The following MAGI1 variants were observed in gnomAD, a reference collection of about 807,000 sequenced individuals.
The protein encoded by MAGI1 is membrane associated guanylate kinase, WW and PDZ domain containing 1.
MAGI1 carries 58 observed loss-of-function variants against 139.9 expected under a neutral mutation model. The ratio of observed to expected loss-of-function variants is 0.41; its 90% CI spans 0.34 to 0.52. MAGI1 has a LOEUF of 0.52. Among genes scored for constraint, MAGI1 ranks in the 20% least tolerant of loss-of-function variants. The pLI is 0.12. For synonymous variants in MAGI1, 812 were observed against 737.9 expected (o/e 1.10, Z -1.63); for missense variants, 1,874 against 1,901.6 (o/e 0.99, Z 0.27).
At chr3:65,598,151 A>T (rs1208544292) in intron 2 of MAGI1, among the ~76,000 whole-genome samples, 3 of 151,160 alleles carry the variant, frequency 2.0e-5, no homozygotes, top group African/African-American at 7.3e-5. Flanking sequence ...AAAAAAGAGC[A>T]TTACATCACA....
intron 6 of MAGI1, among the ~76,000 whole-genome samples, chr3:65,451,055 T>G (rs1035086266): frequency 6.6e-6 from 1 of 152,166 alleles, no homozygotes; most frequent in Admixed American, 6.5e-5. Flanking sequence ...ATTAAAGAGA[T>G]AATTATAAAC....
At position 65,379,538 on chromosome 3, in the gene MAGI1, G is replaced by A. The variant is rs370716808; in HGVS notation, c.2718C>T (p.Asn906=). The A allele has an allele frequency of 6.8e-6, 11 of 1,609,872 alleles. No homozygotes were observed. In the Middle Eastern group the frequency reaches 8.3e-4, roughly 121 times the overall value. The change falls in exon 17 of 23, where the codon AAC becomes AAT. Residue 906 remains asparagine (N), a synonymous_variant. Transcript: ENST00000402939. The part of the protein sequence containing the change: ...KVVFAVPKTE[N]EVPSPASSHH... The stretch of plus-strand genomic sequence containing the variant: ...GAGAGGAGGCTGGCGAGGGCACCTC[G>A]TTCTCGGTTTTGGGCACTGTAGCAG...
chr3:65,679,335 G>A (rs1431282629), intron 1 of MAGI1, among the ~76,000 whole-genome samples: 1 of 152,140 alleles, frequency 6.6e-6, no homozygotes, highest in Non-Finnish European at 1.5e-5. Context: ...AAGAGCTATA[G>A]CTGACATTTC....
intron 1 of MAGI1, among the ~76,000 whole-genome samples, chr3:65,632,357 C>T (rs144251786): frequency 3.9e-5 from 6 of 152,152 alleles, no homozygotes; most frequent in Non-Finnish European, 7.4e-5. Flanking sequence ...TTAAAGAGAC[C>T]ACATGATGGT....
intron 1 of MAGI1, among the ~76,000 whole-genome samples, chr3:65,633,223 G>A (rs1214845116): frequency 6.6e-6 from 1 of 152,142 alleles, no homozygotes; most frequent in Non-Finnish European, 1.5e-5. Context: ...CCACCCCACT[G>A]TGCGGCTGAC....
chr3:65,451,669 G>A (rs1949039816), intron 6 of MAGI1, among the ~76,000 whole-genome samples: 1 of 152,158 alleles, frequency 6.6e-6, no homozygotes. Flanking sequence ...TTTTAAGACA[G>A]GGTCTCTCTC....
At chr3:65,502,206 C>G (rs1258727242) in intron 2 of MAGI1, among the ~76,000 whole-genome samples, 4 of 152,190 alleles carry the variant, frequency 2.6e-5, no homozygotes, top group Non-Finnish European at 5.9e-5. Context: ...AATGGAAAAT[C>G]AGCTTCATCC....
intron 1 of MAGI1, among the ~76,000 whole-genome samples, chr3:65,690,273 A>G (rs1304695922): frequency 6.6e-6 from 1 of 152,214 alleles, no homozygotes; most frequent in Non-Finnish European, 1.5e-5. Flanking sequence ...ACCAAGGGAC[A>G]GAGAAGGGTT....
chr3:65,802,692 AAAAC>A (rs2040588379), intron 1 of MAGI1, among the ~76,000 whole-genome samples: 1 of 152,194 alleles, frequency 6.6e-6, no homozygotes, highest in Admixed American at 6.5e-5. Flanking sequence ...TACCTGGCAT[AAAAC>A]AAACACTGAA....
chr3:65,842,998 A>G (rs902889223), intron 1 of MAGI1, among the ~76,000 whole-genome samples: 3 of 152,318 alleles, frequency 2.0e-5, no homozygotes, highest in Non-Finnish European at 4.4e-5. Flanking sequence ...GTCCCTTCTT[A>G]CACATCCATA....
chr3:65,844,923 C>T (rs1037054957), intron 1 of MAGI1, among the ~76,000 whole-genome samples: 6 of 152,166 alleles, frequency 3.9e-5, no homozygotes, highest in African/African-American at 1.4e-4. Flanking sequence ...TTGCTCAACC[C>T]TTTCCTTCAT....
intron 1 of MAGI1, among the ~76,000 whole-genome samples, chr3:65,623,450 T>C (rs564368621): frequency 6.6e-6 from 1 of 152,344 alleles, no homozygotes; most frequent in African/African-American, 2.4e-5. Flanking sequence ...AGAAGGCTTG[T>C]AGATCAACCT....
chr3:65,910,760 A>T (rs1455410570), intron 1 of MAGI1, among the ~76,000 whole-genome samples: 1 of 151,382 alleles, frequency 6.6e-6, no homozygotes, highest in Admixed American at 6.6e-5. Context: ...ACTTCTCGAC[A>T]TGAAGGTCCT....
chr3:65,750,970 C>T (rs1240474155), intron 1 of MAGI1, among the ~76,000 whole-genome samples: 1 of 152,132 alleles, frequency 6.6e-6, no homozygotes, highest in Admixed American at 6.5e-5. Flanking sequence ...TAAGATGCAC[C>T]AGGCAAGTGA....
At chr3:65,439,434 G>C (rs998244617) in intron 9 of MAGI1, among the ~76,000 whole-genome samples, 1 of 152,122 alleles carries the variant, frequency 6.6e-6, no homozygotes, top group African/African-American at 2.4e-5. Flanking sequence ...GCATGAATTA[G>C]TCTGTAATTT....
In MAGI1 at chr3:65,379,527, G is replaced by A. The variant is rs202069482; in HGVS notation, c.2729C>T (p.Ser910Leu). The change falls in exon 17 of 23, where the codon TCG (serine) becomes TTG (leucine). Residue 910 changes from serine to leucine, a missense_variant. This residue lies in a region of MAGI1 where 482 missense variants were observed against 509.6 expected (regional missense o/e 0.95). Coordinates refer to ENST00000402939, the MANE Select transcript of MAGI1 (RefSeq NM_001033057.2). ...GCTACTGTGATGAGAGGAGGCTGGC[G>A]AGGGCACCTCGTTCTCGGTTTTGGG... ...AVPKTENEVPSPASSHHSSNQ... is the reference protein window; with the variant it reads ...AVPKTENEVPLPASSHHSSNQ... The A allele has an allele frequency of 5.0e-6, 8 of 1,611,492 alleles. No individual in the cohort carries two copies. Among genetic ancestry groups the A allele is most frequent in the South Asian group, 1.1e-5 (1 of 91,030 alleles).
At chr3:65,632,911 C>G (rs1485310194) in intron 1 of MAGI1, among the ~76,000 whole-genome samples, 3 of 152,048 alleles carry the variant, frequency 2.0e-5, no homozygotes, top group African/African-American at 7.2e-5. Flanking sequence ...CCTTGTCTCC[C>G]AGGTTAGTCT....
In MAGI1 at chr3:65,361,260, C is replaced by T; in HGVS notation, c.3573G>A (p.Lys1191=). 6.2e-7 allele frequency: 1 copy of T among 1,614,182 alleles called. No individual in the cohort carries two copies. The highest frequency in any genetic ancestry group is 8.5e-7 in the Non-Finnish European group (1 of 1,180,020). ...MKHSRAIELI[K]NGGRRVRLFL... Reference sequence around the variant, plus strand: ...ACAGACGAACTCTGCGGCCACCATTCTTAATCAGTTCTATAGCTCGAGAAT... The same window carrying T: ...ACAGACGAACTCTGCGGCCACCATTTTTAATCAGTTCTATAGCTCGAGAAT... The change falls in exon 22 of 23, where the codon AAG becomes AAA. Residue 1191 remains lysine (K), a synonymous_variant. Coordinates refer to ENST00000402939, the MANE Select transcript of MAGI1 (RefSeq NM_001033057.2).
chr3:65,989,986 A>C (rs537596942), intron 1 of MAGI1, among the ~76,000 whole-genome samples: 1 of 152,352 alleles, frequency 6.6e-6, no homozygotes, highest in African/African-American at 2.4e-5. Flanking sequence ...AATATAAATA[A>C]AACTGGTTCA....
Sources: gnomAD v4.1 joint callset for allele counts (sites outside exome capture counted in the v4.1 genomes callset) on GRCh38, gnomAD v4.1.1 for gene constraint, gnomAD v4.1.1 regional missense constraint, MANE v1.5 for transcripts, NCBI Gene and HGNC (gene_info 2026-07-23, HGNC 2026-07-21) for gene names.